Variants in EPHB2 observed in about 807,000 individuals in gnomAD.
The protein encoded by EPHB2 is ephrin type-B receptor 2.
In EPHB2, 18 loss-of-function variants were observed where a neutral mutation model predicts 96.4. The ratio of observed to expected loss-of-function variants is 0.19; its 90% confidence interval spans 0.13 to 0.28. EPHB2 has a LOEUF of 0.28. Among genes scored for constraint, EPHB2 ranks in the 10% least tolerant of loss-of-function variants. The pLI, the probability that EPHB2 is intolerant of heterozygous loss-of-function variation, is 1.00. For missense variants in EPHB2, 989 were observed against 1,355.4 expected (o/e 0.73, Z 4.25); for synonymous variants, 506 against 534.1 (o/e 0.95, Z 0.72).
At chr1:22,905,911 G>A (rs1557748919) in intron 9 of EPHB2, 76 bp from the exon 10 acceptor site, 3 of 1,611,138 alleles carry the variant, frequency 1.9e-6, no homozygotes, top group Non-Finnish European at 2.5e-6. Flanking sequence ...CCTCCACGGA[G>A]GGACTGGCTC....
At chr1:22,792,691 T>C (rs992984702) in intron 3 of EPHB2, among the ~76,000 whole-genome samples, 1 of 152,146 alleles carries the variant, frequency 6.6e-6, no homozygotes, top group African/African-American at 2.4e-5. Flanking sequence ...GATGTCTTCA[T>C]TGAGGACCAG....
chr1:22,820,004 T>C (rs6662622), intron 3 of EPHB2, among the ~76,000 whole-genome samples: 115,788 of 151,786 alleles, frequency 0.76, 44,617 homozygotes, highest in Middle Eastern at 0.82. Context: ...AAGCCATAGC[T>C]ACAGCTCCCA....
chr1:22,906,178 C>A lies in EPHB2; in HGVS notation c.1888+69C>A. On this transcript the variant is annotated intron_variant, in intron 10 of 15. Transcript: ENST00000374630. The surrounding 1 kb of genome is among the most constrained non-coding windows in gnomAD (Gnocchi z 4.8). The stretch of plus-strand genomic sequence containing the variant: ...GCTGGTGAGACCACCCCAATGTATA[C>A]CCTTGGGGCAGAAGGTAGGATGTGG... 2 of 1,607,644 alleles carry A rather than the reference C, an allele frequency of 1.2e-6. No individual in the cohort carries two copies. The highest frequency in any genetic ancestry group is 1.7e-6 in the Non-Finnish European group (2 of 1,175,638).
At chr1:22,718,626 G>A (rs901747949) in intron 1 of EPHB2, among the ~76,000 whole-genome samples, 2 of 152,018 alleles carry the variant, frequency 1.3e-5, no homozygotes, top group African/African-American at 2.4e-5. Flanking sequence ...GACCTCAGGC[G>A]ATCCACCTGC....
intron 1 of EPHB2, among the ~76,000 whole-genome samples, chr1:22,747,697 G>A (rs1643996245): frequency 2.0e-5 from 3 of 152,246 alleles, no homozygotes; most frequent in Admixed American, 1.3e-4. Context: ...GAGCCGTCGG[G>A]GTTCCTCTGC....
chr1:22,753,110 T>C (rs1414661865), intron 1 of EPHB2, among the ~76,000 whole-genome samples: 1 of 152,198 alleles, frequency 6.6e-6, no homozygotes, highest in Non-Finnish European at 1.5e-5. Context: ...CCATCTGTTC[T>C]TCCAGTCAAC....
chr1:22,733,577 T>A lies in EPHB2; in HGVS notation c.61+22534T>A, dbSNP rs550893934. Among the ~76,000 whole-genome samples, 1 of 152,224 alleles carries A rather than the reference T, an allele frequency of 6.6e-6. No individual in the cohort carries two copies. The highest frequency in any genetic ancestry group is 1.9e-4 in the East Asian group (1 of 5,202). On this transcript the variant is annotated intron_variant, in intron 1 of 15. Coordinates refer to ENST00000374630, the MANE Select transcript of EPHB2 (RefSeq NM_017449.5). The surrounding 1 kb of genome is among the most constrained non-coding windows in gnomAD (Gnocchi z 4.6). ...TATACCATGGCCTTATTATGTGCCATGTTGCCATGCTGAATCCACCACTGT... is the reference window on the plus strand; with the variant it reads ...TATACCATGGCCTTATTATGTGCCAAGTTGCCATGCTGAATCCACCACTGT...
chr1:22,806,356 G>A (rs1465397621), intron 3 of EPHB2, among the ~76,000 whole-genome samples: 1 of 152,198 alleles, frequency 6.6e-6, no homozygotes, highest in Non-Finnish European at 1.5e-5. Flanking sequence ...GTACCTCTTA[G>A]AATACCAAGT....
At chr1:22,819,149 T>C (rs756820992) in intron 3 of EPHB2, among the ~76,000 whole-genome samples, 16 of 151,294 alleles carry the variant, frequency 1.1e-4, no homozygotes, top group Non-Finnish European at 2.4e-4. Context: ...CTGAATTAGA[T>C]GACTTCTCAG....
At chr1:22,761,138 T>C (rs1311189690) in intron 1 of EPHB2, among the ~76,000 whole-genome samples, 1 of 152,190 alleles carries the variant, frequency 6.6e-6, no homozygotes, top group Non-Finnish European at 1.5e-5. Flanking sequence ...GATTCTCTTC[T>C]GATCTCATGG....
intron 7 of EPHB2, 59 bp downstream of exon 7, chr1:22,893,105 A>G: frequency 6.2e-7 from 1 of 1,612,654 alleles, no homozygotes; most frequent in Non-Finnish European, 8.5e-7. Flanking sequence ...AACAAACTCA[A>G]GGGTCACCAT....
intron 1 of EPHB2, among the ~76,000 whole-genome samples, chr1:22,780,935 G>A (rs947987415): frequency 3.9e-5 from 6 of 152,030 alleles, no homozygotes; most frequent in African/African-American, 1.4e-4. Flanking sequence ...GAGAGGCGGA[G>A]TCTAAACCGA....
At chr1:22,827,785 T>G (rs143646879) in intron 3 of EPHB2, among the ~76,000 whole-genome samples, 1 of 152,218 alleles carries the variant, frequency 6.6e-6, no homozygotes, top group African/African-American at 2.4e-5. Flanking sequence ...AACCCTCCTG[T>G]TCCCTGTCTC....
intron 1 of EPHB2, among the ~76,000 whole-genome samples, chr1:22,722,548 G>A (rs1643490991): frequency 6.6e-6 from 1 of 152,162 alleles, no homozygotes; most frequent in Admixed American, 6.5e-5. Flanking sequence ...ACCTTGAAAT[G>A]GGGAGTCTCT....
At chr1:22,766,620 G>C (rs916512554) in intron 1 of EPHB2, among the ~76,000 whole-genome samples, 1 of 152,142 alleles carries the variant, frequency 6.6e-6, no homozygotes, top group East Asian at 1.9e-4. Context: ...ATGGTGGTTG[G>C]GGGGAGGAGA....
chr1:22,843,076 T>C (rs1570371744), intron 3 of EPHB2, among the ~76,000 whole-genome samples: 1 of 152,140 alleles, frequency 6.6e-6, no homozygotes, highest in Non-Finnish European at 1.5e-5. Flanking sequence ...CATGGTAGGG[T>C]ATCGTATCTG....
chr1:22,823,263 G>A (rs1645177869), intron 3 of EPHB2, among the ~76,000 whole-genome samples: 1 of 152,166 alleles, frequency 6.6e-6, no homozygotes, highest in African/African-American at 2.4e-5. Flanking sequence ...AGCTAACCTG[G>A]CCCATCCTTC....
chr1:22,909,144 G>T lies in EPHB2; in HGVS notation c.2475G>T (p.Arg825=), dbSNP rs780226662. 22 of 1,614,212 alleles carry T rather than the reference G, an allele frequency of 1.4e-5. No individual in the cohort carries two copies. Among genetic ancestry groups the T allele is most frequent in the Non-Finnish European group, 1.8e-5 (21 of 1,180,028 alleles). The change falls in exon 13 of 16, where the codon CGG becomes CGT. Residue 825 remains arginine, a synonymous_variant. Coordinates refer to ENST00000374630, the MANE Select transcript of EPHB2 (RefSeq NM_017449.5). The stretch of plus-strand genomic sequence containing the variant: ...GGGAGGTGATGTCCTATGGGGAGCG[G>T]CCCTACTGGGACATGACCAACCAGG... The part of the protein sequence containing the change: ...VMWEVMSYGE[R]PYWDMTNQDV...
At chr1:22,741,684 AAAAAC>A (rs1319716380) in intron 1 of EPHB2, among the ~76,000 whole-genome samples, 1 of 143,106 alleles carries the variant, frequency 7.0e-6, no homozygotes, top group Non-Finnish European at 1.5e-5. Flanking sequence ...CCCAGCAAAA[AAAAAC>A]AAAAAAACAA....
Sources: allele counts gnomAD v4.1 joint callset (sites outside exome capture counted in the v4.1 genomes callset), GRCh38; gene constraint gnomAD v4.1.1; non-coding constraint Gnocchi (gnomAD v3.1); transcripts MANE v1.5; gene names NCBI Gene and HGNC (gene_info 2026-07-23, HGNC 2026-07-21).